Variants in NCOA2 observed in about 807,000 individuals in gnomAD.
NCOA2 encodes the protein nuclear receptor coactivator 2, also known as class E basic helix-loop-helix protein 75.
In NCOA2, 21 loss-of-function variants were observed where a neutral mutation model predicts 145.1. That is an observed-to-expected ratio of 0.14 (90% confidence interval 0.10 to 0.21). The LOEUF (loss-of-function observed/expected upper bound fraction) is 0.21, where lower values mean the gene tolerates loss of function less well. NCOA2 is among the 10% of genes least tolerant of loss of function. The probability of loss-of-function intolerance (pLI) is 1.00; values close to 1 mark genes in which losing one functional copy is unlikely to be tolerated. For missense variants in NCOA2, 1,472 were observed against 1,837.6 expected, an observed-to-expected ratio of 0.80 and a Z score of 3.64; for synonymous variants, 619 against 637.5, an observed-to-expected ratio of 0.97 and a Z score of 0.44.
At chr8:70,136,178 A>G (rs1809711656) in intron 15 of NCOA2, among the ~76,000 whole-genome samples, 1 of 152,168 alleles carries the variant, frequency 6.6e-6, no homozygotes, top group Non-Finnish European at 1.5e-5. Flanking sequence ...GTTCGAGACC[A>G]GCCTGGCCAA....
At chr8:70,390,572 TG>T (rs1813100928) in intron 1 of NCOA2, among the ~76,000 whole-genome samples, 1 of 150,926 alleles carries the variant, frequency 6.6e-6, no homozygotes, top group African/African-American at 2.4e-5. Flanking sequence ...AAGACCAGCC[TG>T]GGCAACATAG....
chr8:70,295,752 G>A (rs1238839314), intron 2 of NCOA2, among the ~76,000 whole-genome samples: 1 of 152,044 alleles, frequency 6.6e-6, no homozygotes. Context: ...GACCAGCCTG[G>A]CCAATATGGT....
intron 2 of NCOA2, among the ~76,000 whole-genome samples, chr8:70,236,534 T>C (rs1278204503): frequency 1.3e-5 from 2 of 152,156 alleles, no homozygotes; most frequent in African/African-American, 4.8e-5. Context: ...CACTCATCTT[T>C]AAGACCTAGC....
At chr8:70,393,904 T>G (rs563414850) in intron 1 of NCOA2, among the ~76,000 whole-genome samples, 1 of 152,248 alleles carries the variant, frequency 6.6e-6, no homozygotes, top group African/African-American at 2.4e-5. Flanking sequence ...GGCATTTTGT[T>G]GACTTCTATT....
At chr8:70,425,856 A>G in the NCOA2 span, among the ~76,000 whole-genome samples, 1 of 152,090 alleles carries the variant, frequency 6.6e-6, no homozygotes, top group Non-Finnish European at 1.5e-5. Context: ...TTTGTGTGCC[A>G]CTATGGCCCT....
chr8:70,384,230 C>G (rs1284253293), intron 1 of NCOA2, among the ~76,000 whole-genome samples: 1 of 151,476 alleles, frequency 6.6e-6, no homozygotes, highest in Non-Finnish European at 1.5e-5. Context: ...GGTTTTGAAG[C>G]ATCTACTTAC....
chr8:70,140,686 A>G (rs111411038), intron 14 of NCOA2, among the ~76,000 whole-genome samples: 1,404 of 127,874 alleles, frequency 0.011, 7 homozygotes, highest in Non-Finnish European at 0.014. Context: ...TGCACCCTCC[A>G]CCTCCCAGGA....
upstream of NCOA2, among the ~76,000 whole-genome samples, chr8:70,404,605 G>A (rs909876900): frequency 6.6e-6 from 1 of 152,250 alleles, no homozygotes; most frequent in Non-Finnish European, 1.5e-5. Flanking sequence ...GCGACTGTGG[G>A]AGCTGGAAGG....
chr8:70,187,572 T>C (rs563521764), intron 4 of NCOA2, among the ~76,000 whole-genome samples: 1 of 152,312 alleles, frequency 6.6e-6, no homozygotes, highest in South Asian at 2.1e-4. Context: ...GTGAGCACCA[T>C]GGCTATGGAT....
At chr8:70,170,168 G>A (rs761114902) in intron 6 of NCOA2, 34 bp downstream of exon 6, 35 of 1,600,794 alleles carry the variant, frequency 2.2e-5, no homozygotes, top group Middle Eastern at 1.7e-4. Flanking sequence ...TGGGGGTGAC[G>A]GGAGGTAGGG....
Position 70,163,519 on chromosome 8 carries a change from C to T in NCOA2, c.778G>A (p.Glu260Lys), listed in dbSNP as rs1813281883. 1.2e-6 allele frequency: 2 copies of T among 1,613,802 alleles called. No individual in the cohort carries two copies. The highest frequency in any genetic ancestry group is 1.7e-6 in the Non-Finnish European group (2 of 1,179,868). The change falls in exon 8 of 23, where the codon GAA becomes AAA. Residue 260 changes from glutamate to lysine, a missense_variant. Physicochemically the swap from Glu to Lys is moderately conservative, Grantham distance 56 (BLOSUM62 1). This residue lies in a region of NCOA2 where 284 missense variants were observed against 467.8 expected (regional missense o/e 0.61). Transcript: ENST00000452400. ...ICVARRVPMK[E>K]RPVLPSSESF... ...TCTGATGAGGGAAGAACTGGTCTTT[C>T]CTTCATGGGAACTCTTCTTGCCACG...
the NCOA2 span, among the ~76,000 whole-genome samples, chr8:70,447,682 C>CTTTTTTTTTTTTTTTTTT: frequency 7.6e-4 from 86 of 113,056 alleles, 2 homozygotes; most frequent in African/African-American, 3.0e-3. Flanking sequence ...TCTTTGTTTT[C>CTTTTTTTTTTTTTTTTTT]TTTTTTTTTT....
rs1480634047 is a variant in NCOA2 at position 70,403,750 on chromosome 8, T to C, written c.-127A>G. 1 of 397,418 alleles carries C rather than the reference T, an allele frequency of 2.5e-6. No homozygotes were observed. The highest frequency in any genetic ancestry group is 4.4e-6 in the Non-Finnish European group (1 of 225,382). The allele number at this position is 397,418 out of a possible 1,614,324, so 24.6% of individuals were successfully genotyped here. On this transcript the variant is annotated 5_prime_UTR_variant, in exon 1 of 23. Transcript: ENST00000452400. ...GTGCCGGCTGCCGTCGGCGCTGACC[T>C]TCGCCGCCGAAGCTGTAGCCGAGGC...
At chr8:70,279,911 C>T (rs1825748545) in intron 2 of NCOA2, among the ~76,000 whole-genome samples, 1 of 152,208 alleles carries the variant, frequency 6.6e-6, no homozygotes, top group Admixed American at 6.5e-5. Context: ...TCCTTCCATC[C>T]AGACTTGCCC....
chr8:70,139,644 C>CTTTTTTTTTTTTT (rs911504754), intron 14 of NCOA2, among the ~76,000 whole-genome samples: 1 of 91,862 alleles, frequency 1.1e-5, no homozygotes, highest in African/African-American at 5.1e-5. Flanking sequence ...CGCTGGCCAT[C>CTTTTTTTTTTTTT]TTTTTTTTTT....
chr8:70,287,681 T>A (rs1826337186), intron 2 of NCOA2, among the ~76,000 whole-genome samples: 1 of 152,252 alleles, frequency 6.6e-6, no homozygotes, highest in South Asian at 2.1e-4. Flanking sequence ...TAATATCATT[T>A]CTGTAACCTG....
chr8:70,385,575 C>T (rs528844994), intron 1 of NCOA2, among the ~76,000 whole-genome samples: 4 of 152,220 alleles, frequency 2.6e-5, no homozygotes, highest in South Asian at 4.1e-4. Flanking sequence ...TACAGGTGCC[C>T]GCCACCTCAC....
intron 1 of NCOA2, among the ~76,000 whole-genome samples, chr8:70,380,499 A>G (rs1208292414): frequency 3.3e-5 from 5 of 152,180 alleles, no homozygotes; most frequent in African/African-American, 1.2e-4. Context: ...CATTCACTCA[A>G]CAAACTGCTT....
At chr8:70,144,534 T>C in intron 13 of NCOA2, 108 bp downstream of exon 13, 1 of 892,002 alleles carries the variant, frequency 1.1e-6, no homozygotes, top group Non-Finnish European at 1.7e-6. Flanking sequence ...AGATGTTATT[T>C]TCTAACATAA....
Sources: allele counts gnomAD v4.1 joint callset (sites outside exome capture counted in the v4.1 genomes callset), GRCh38; gene constraint gnomAD v4.1.1; regional missense constraint gnomAD v4.1.1; transcripts MANE v1.5; gene names NCBI Gene and HGNC (gene_info 2026-07-23, HGNC 2026-07-21).